The following ABCB11 variants were observed in gnomAD, a reference collection of about 807,000 sequenced individuals.
ABCB11 encodes the protein bile salt export pump.
In ABCB11, 95 loss-of-function variants were observed where a neutral mutation model predicts 148.0. That is an observed-to-expected ratio of 0.64 (90% confidence interval 0.54 to 0.76). ABCB11 has a LOEUF of 0.76. Ranked by LOEUF, ABCB11 falls within the 30% of genes least tolerant of loss-of-function variation. The probability of loss-of-function intolerance (pLI) is 0.00; values close to 1 mark genes in which losing one functional copy is unlikely to be tolerated. For synonymous variants in ABCB11, 591 were observed against 555.4 expected, an observed-to-expected ratio of 1.06 and a Z score of -0.90; for missense variants, 1,523 against 1,617.8, an observed-to-expected ratio of 0.94 and a Z score of 1.01.
chr2:168,948,322 T>C (rs1692419401), intron 19 of ABCB11, among the ~76,000 whole-genome samples: 1 of 151,794 alleles, frequency 6.6e-6, no homozygotes, highest in Admixed American at 6.6e-5. Context: ...CTACACCTTC[T>C]ACACTAACAT....
intron 18 of ABCB11, among the ~76,000 whole-genome samples, chr2:168,959,912 T>C (rs1347534259): frequency 8.2e-6 from 1 of 122,228 alleles, no homozygotes; most frequent in Non-Finnish European, 1.6e-5. Context: ...GGTACTCGTG[T>C]GACAGAGCAA....
intron 23 of ABCB11, among the ~76,000 whole-genome samples, chr2:168,932,969 C>T (rs1574401757): frequency 6.6e-6 from 1 of 151,734 alleles, no homozygotes; most frequent in Non-Finnish European, 1.5e-5. Flanking sequence ...ATTAGCTGGG[C>T]GTGGTGGTGG....
rs1041916348 is a variant in ABCB11, at chr2:168,985,322, A to G, written c.1083+788T>C. 1.5e-4 allele frequency among the ~76,000 whole-genome samples: 23 copies of G among 152,272 alleles called. No homozygotes were observed. The East Asian group carries it at 4.3e-3, about 28-fold the overall frequency. ...GGGAATGTAAACTAGTACAACAACT[A>G]TGGAAAACAGTATGGAAATTCCTTA... On this transcript the variant is annotated intron_variant, in intron 10 of 27. Coordinates refer to ENST00000650372, the MANE Select transcript of ABCB11 (RefSeq NM_003742.4).
rs956033854 is a variant in ABCB11 at position 169,029,824 on chromosome 2, T to C, written c.-28+1401A>G. On this transcript the variant is annotated intron_variant, in intron 1 of 27. Transcript: ENST00000650372. ...GGCGCAATCTCGGCTCACTGCAAGCTCCGCTTCCCGGGTTCACGCCATTCT... is the reference window on the plus strand; with the variant it reads ...GGCGCAATCTCGGCTCACTGCAAGCCCCGCTTCCCGGGTTCACGCCATTCT... Among the ~76,000 whole-genome samples, 4 of 132,462 alleles carry C rather than the reference T, an allele frequency of 3.0e-5. 1 individual carries two copies. In the Admixed American group the frequency reaches 3.3e-4, roughly 11 times the overall value. The allele number at this position is 132,462 out of a possible 152,430, so 86.9% of individuals were successfully genotyped here. A position where few individuals can be genotyped will look rare whatever the true frequency, so the allele number is the denominator to read the frequency against.
At chr2:168,944,557 G>A in intron 21 of ABCB11, 48 bp downstream of exon 21, 1 of 1,520,982 alleles carries the variant, frequency 6.6e-7, no homozygotes, top group Non-Finnish European at 8.8e-7. Context: ...TCTAATGAAA[G>A]AATGCCAATG....
intron 1 of ABCB11, among the ~76,000 whole-genome samples, chr2:169,026,213 T>A (rs1451973917): frequency 6.6e-6 from 1 of 152,238 alleles, no homozygotes; most frequent in Non-Finnish European, 1.5e-5. Flanking sequence ...AGGCCAGCTA[T>A]GAAATGGAAC....
At chr2:168,971,702 T>C in intron 14 of ABCB11, 145 bp downstream of exon 14, 2 of 707,044 alleles carry the variant, frequency 2.8e-6, no homozygotes, top group South Asian at 3.8e-5. Context: ...GAAACACTCA[T>C]GGTACTTTTT....
At chr2:169,015,568 T>C (rs962346718) in intron 3 of ABCB11, among the ~76,000 whole-genome samples, 5 of 152,084 alleles carry the variant, frequency 3.3e-5, no homozygotes, top group Admixed American at 1.3e-4. Flanking sequence ...GCATTTTCTT[T>C]AGGTAACCAC....
In ABCB11 at chr2:168,964,219, T is replaced by C. The variant is rs773186893; in HGVS notation, c.2165A>G (p.Glu722Gly). 1 of 1,556,964 alleles carries C rather than the reference T, an allele frequency of 6.4e-7. No individual in the cohort carries two copies. ...TTGGTGCCTGACCTTTCTATCTTCT[T>C]CATAGGTAGACTTATGATCTACAAC... ...LAVVDHKSTY[E>G]EDRKDKDIPV... The change falls in exon 18 of 28, where the codon GAA (glutamate) becomes GGA (glycine). Residue 722 changes from glutamate to glycine, a missense_variant. Coordinates refer to ENST00000650372, the MANE Select transcript of ABCB11 (RefSeq NM_003742.4).
At chr2:168,947,430 G>A (rs1574418904) in intron 19 of ABCB11, among the ~76,000 whole-genome samples, 1 of 151,602 alleles carries the variant, frequency 6.6e-6, no homozygotes, top group African/African-American at 2.4e-5. Context: ...TGGACACAGG[G>A]AAAGTGAAGC....
chr2:168,916,823 C>A (rs1481771440), downstream of ABCB11, among the ~76,000 whole-genome samples: 1 of 152,120 alleles, frequency 6.6e-6, no homozygotes, highest in Non-Finnish European at 1.5e-5. Flanking sequence ...CCTCTAACAT[C>A]CTTTTGTGCC....
chr2:169,030,599 T>C (rs528705178), intron 1 of ABCB11, among the ~76,000 whole-genome samples: 1 of 152,326 alleles, frequency 6.6e-6, no homozygotes, highest in East Asian at 1.9e-4. Flanking sequence ...TAATATTTGA[T>C]CTCTGTGCTC....
intron 5 of ABCB11, among the ~76,000 whole-genome samples, chr2:169,006,377 A>G (rs1695019528): frequency 6.6e-6 from 1 of 152,188 alleles, no homozygotes; most frequent in Non-Finnish European, 1.5e-5. Context: ...AACTAGGATT[A>G]GAAGGGAATT....
chr2:168,940,748 T>G (rs1279363162), intron 21 of ABCB11, among the ~76,000 whole-genome samples: 1 of 152,082 alleles, frequency 6.6e-6, no homozygotes, highest in African/African-American at 2.4e-5. Context: ...AGTCAATGCC[T>G]GACTTCAAAC....
rs115290018 is a variant in ABCB11, at chr2:169,029,690, C to T, written c.-28+1535G>A. Among the ~76,000 whole-genome samples the T allele has an allele frequency of 8.1e-3, 1,196 of 147,596 alleles. 19 individuals carry two copies. Among genetic ancestry groups the T allele is most frequent in the African/African-American group, 0.029 (1,144 of 39,470 alleles). On this transcript the variant is annotated intron_variant, in intron 1 of 27. Transcript: ENST00000650372. Reference sequence around the variant, plus strand: ...GTAACACCAAAGTTAACTGCCACAGCGATTCTTTGTCTCTAAATGTACAGT... The same window carrying T: ...GTAACACCAAAGTTAACTGCCACAGTGATTCTTTGTCTCTAAATGTACAGT...
intron 8 of ABCB11, among the ~76,000 whole-genome samples, chr2:168,992,737 G>T (rs1694576600): frequency 6.6e-6 from 1 of 152,072 alleles, no homozygotes. Context: ...CAGCCAAGTG[G>T]TGACCTAATG....
At chr2:168,923,874 C>T in intron 27 of ABCB11, 52 bp from the exon 28 acceptor site, 1 of 1,564,270 alleles carries the variant, frequency 6.4e-7, no homozygotes, top group East Asian at 2.2e-5. Flanking sequence ...TGCTCCCCAG[C>T]CCACCATCAT....
chr2:168,926,037 C>G (rs1232160393), intron 26 of ABCB11, among the ~76,000 whole-genome samples: 1 of 152,066 alleles, frequency 6.6e-6, no homozygotes, highest in East Asian at 1.9e-4. Context: ...AAAGAGCAAA[C>G]AAAAAGCCTT....
At chr2:168,915,918 A>C (rs1034260137), downstream of ABCB11, among the ~76,000 whole-genome samples, 2 of 152,192 alleles carry the variant, frequency 1.3e-5, no homozygotes, top group African/African-American at 4.8e-5. Flanking sequence ...CAAGAGAGAC[A>C]ACACCTGCCA....
Sources: gnomAD v4.1 joint callset for allele counts (sites outside exome capture counted in the v4.1 genomes callset) on GRCh38, gnomAD v4.1.1 for gene constraint, MANE v1.5 for transcripts, NCBI Gene and HGNC (gene_info 2026-07-23, HGNC 2026-07-21) for gene names.